The following C2CD3 variants were observed in gnomAD, a reference collection of about 807,000 sequenced individuals.
C2CD3 encodes C2 domain containing 3 centriole elongation regulator, also known as C2 domain-containing protein 3.
In C2CD3, 148 loss-of-function variants were observed where a neutral mutation model predicts 234.0. The observed-to-expected ratio is 0.63, with a 90% CI of 0.55 to 0.72. The LOEUF is 0.72. C2CD3 is among the 30% of genes least tolerant of loss of function. The pLI is 0.00. For missense variants in C2CD3, 2,577 were observed against 2,811.5 expected, an observed-to-expected ratio of 0.92 and a Z score of 1.89; for synonymous variants, 1,000 against 1,035.4, an observed-to-expected ratio of 0.97 and a Z score of 0.66.
intron 32 of C2CD3, among the ~76,000 whole-genome samples, chr11:74,020,544 C>T (rs1335533768): frequency 6.6e-6 from 1 of 152,150 alleles, no homozygotes; most frequent in Non-Finnish European, 1.5e-5. Flanking sequence ...AGTGCGTTTC[C>T]AAGAACTGCG....
Position 74,078,388 on chromosome 11 carries a change from G to A in C2CD3, c.4330C>T (p.His1444Tyr). The stretch of plus-strand genomic sequence containing the variant: ...TTGAGAGGGGTCCAAAAGGCTTCAT[G>A]ATCATAGAACTTGTAGCGAAGGTAG... ...YCYLRYKFYD[H>Y]EAFWTPLKKP... The change falls in exon 23 of 33, where the codon CAT (histidine) becomes TAT (tyrosine). Residue 1444 changes from histidine (H) to tyrosine (Y), a missense_variant. By Grantham distance (83) the His-to-Tyr change is moderately conservative. Transcript: ENST00000334126. 6.2e-7 allele frequency: 1 copy of A among 1,614,164 alleles called. No individual in the cohort carries two copies. Among genetic ancestry groups the A allele is most frequent in the Non-Finnish European group, 8.5e-7 (1 of 1,180,034 alleles).
At chr11:74,141,279 A>G (rs566842228) in intron 3 of C2CD3, among the ~76,000 whole-genome samples, 1 of 152,376 alleles carries the variant, frequency 6.6e-6, no homozygotes, top group Admixed American at 6.5e-5. Flanking sequence ...AGTCCTTCAA[A>G]TCTATTCATC....
intron 8 of C2CD3, among the ~76,000 whole-genome samples, chr11:74,119,635 C>CTTT (rs527594045): frequency 1.5e-5 from 2 of 137,624 alleles, no homozygotes; most frequent in African/African-American, 5.3e-5. Flanking sequence ...AGCAATACAA[C>CTTT]TTTTTTTTTT....
In C2CD3 at chr11:74,114,508, C is replaced by G. The variant is rs1007224674; in HGVS notation, c.1606G>C (p.Gly536Arg). 10 of 1,613,562 alleles carry G rather than the reference C, an allele frequency of 6.2e-6. No homozygotes were observed. The African/African-American group carries it at 1.2e-4, about 19-fold the overall frequency. ...TLSVDRLALLGRTHSVRIIIE... is the reference protein window; with the variant it reads ...TLSVDRLALLRRTHSVRIIIE... Reference sequence around the variant, plus strand: ...ATGATTCTGACTGAATGTGTTCTACCCAAAAGGGCCAGTCTATCCACACTT... The same window carrying G: ...ATGATTCTGACTGAATGTGTTCTACGCAAAAGGGCCAGTCTATCCACACTT... The change falls in exon 10 of 33, where the codon GGT (glycine) becomes CGT (arginine). Residue 536 changes from glycine to arginine, a missense_variant. Gly to Arg is a moderately radical substitution (Grantham distance 125). Transcript: ENST00000334126.
At chr11:74,097,206 A>T (rs944469944) in intron 16 of C2CD3, among the ~76,000 whole-genome samples, 1 of 152,204 alleles carries the variant, frequency 6.6e-6, no homozygotes. Flanking sequence ...CATAATATAC[A>T]AATAAACCAT....
chr11:74,138,956 T>C lies in C2CD3; in HGVS notation c.719A>G (p.His240Arg). The change falls in exon 5 of 33, where the codon CAT becomes CGT. Residue 240 changes from histidine (H) to arginine (R), a missense_variant. Physicochemically the swap from His to Arg is conservative, Grantham distance 29 (BLOSUM62 0). Transcript: ENST00000334126. ...ATCAGGGTTCTCTGCAAAGCATACA[T>C]GGTCTTTTCCCCTGTTTTTTTAAAA... ...SRSTTPRGKD[H>R]VCFAENPDTI... 1 of 1,610,302 alleles carries C rather than the reference T, an allele frequency of 6.2e-7. No individual in the cohort carries two copies. Among genetic ancestry groups the C allele is most frequent in the Non-Finnish European group, 8.5e-7 (1 of 1,177,240 alleles).
At chr11:74,144,932 G>A (rs1470505941) in intron 3 of C2CD3, among the ~76,000 whole-genome samples, 1 of 152,124 alleles carries the variant, frequency 6.6e-6, no homozygotes, top group African/African-American at 2.4e-5. Context: ...ATGTCTTTGT[G>A]ATAGAACAAT....
At position 74,100,659 on chromosome 11, in the gene C2CD3, CAGAG is replaced by C; in HGVS notation, c.2594_2597del (p.Ser865CysfsTer13). The C allele has an allele frequency of 6.2e-7, 1 of 1,612,370 alleles. No homozygotes were observed. Among genetic ancestry groups the C allele is most frequent in the Non-Finnish European group, 8.5e-7 (1 of 1,179,486 alleles). ...TAAGCCTTTCCAGGTATTTGGAAGA[CAGAG>C]AGACAGGAATCACCTAAGAGAGAGG... On this transcript the variant is annotated frameshift_variant, in exon 15 of 33. Coordinates refer to ENST00000334126, the MANE Select transcript of C2CD3 (RefSeq NM_001286577.2). LOFTEE classifies it high-confidence loss of function.
At chr11:74,013,566 G>A in intron 32 of C2CD3, 41 bp from the exon 33 acceptor site, 1 of 1,214,862 alleles carries the variant, frequency 8.2e-7, no homozygotes, top group Non-Finnish European at 1.1e-6. Context: ...CTGAGGATAT[G>A]GCACCACCAA....
At position 74,095,402 on chromosome 11, in the gene C2CD3, C is replaced by G; in HGVS notation, c.2986G>C (p.Asp996His). The G allele has an allele frequency of 6.2e-7, 1 of 1,609,350 alleles. No individual in the cohort carries two copies. The highest frequency in any genetic ancestry group is 8.5e-7 in the Non-Finnish European group (1 of 1,177,928). ...TGCTCCATCAGTCCATTTCCTCGGT[C>G]CTCTGCCTATTAAATGAAACAGAAA... Reference protein sequence around the residue: ...PTAASVAMAEDRGNGLMEHCF... With the variant: ...PTAASVAMAEHRGNGLMEHCF... Residue 996 changes from aspartate to histidine, a missense_variant, in exon 17 of 33, where the codon GAC becomes CAC. By Grantham distance (81) the Asp-to-His change is moderately conservative (BLOSUM62 -1). Coordinates refer to ENST00000334126, the MANE Select transcript of C2CD3 (RefSeq NM_001286577.2).
intron 17 of C2CD3, 36 bp from the exon 18 acceptor site, chr11:74,094,035 A>G (rs1956008213): frequency 6.5e-7 from 1 of 1,534,812 alleles, no homozygotes; most frequent in South Asian, 1.1e-5. Flanking sequence ...ATAATCCAAC[A>G]TATGACTTAG....
intron 3 of C2CD3, among the ~76,000 whole-genome samples, chr11:74,148,966 C>T (rs907107932): frequency 1.3e-5 from 2 of 151,868 alleles, no homozygotes; most frequent in Non-Finnish European, 2.9e-5. Context: ...TCAAACAGTT[C>T]GATAATTTTG....
intron 3 of C2CD3, among the ~76,000 whole-genome samples, chr11:74,147,332 A>G (rs571644437): frequency 6.6e-6 from 1 of 152,206 alleles, no homozygotes; most frequent in East Asian, 1.9e-4. Flanking sequence ...TGGGAGGATC[A>G]CTTGAGCCCA....
At position 74,130,838 on chromosome 11, in the gene C2CD3, A is replaced by G. The variant is rs151177646; in HGVS notation, c.1217+2006T>C. ...TGTTCTGGGTCCCCTGCAATTTCCT[A>G]TGAATTTGAGAAACAGCTTGTCAAT... On this transcript the variant is annotated intron_variant, in intron 7 of 32. Transcript: ENST00000334126. Among the ~76,000 whole-genome samples the G allele has an allele frequency of 2.5e-3, 384 of 152,158 alleles. 1 individual carries two copies. Among genetic ancestry groups the G allele is most frequent in the African/African-American group, 8.9e-3 (369 of 41,500 alleles).
intron 24 of C2CD3, among the ~76,000 whole-genome samples, chr11:74,062,774 C>G (rs948553771): frequency 6.7e-6 from 1 of 149,714 alleles, no homozygotes; most frequent in Non-Finnish European, 1.5e-5. Flanking sequence ...TAACTAAGAT[C>G]AGAGCAGAAT....
Position 74,154,137 on chromosome 11 carries a change from T to C in C2CD3, c.483+7262A>G, listed in dbSNP as rs558065072. On this transcript the variant is annotated intron_variant, in intron 3 of 32. Coordinates refer to ENST00000334126, the MANE Select transcript of C2CD3 (RefSeq NM_001286577.2). ...TATTAGGGGAAAACAGTGGAGAAAA[T>C]CTTTGCAAACTTGGATTAGGGGAAG... Among the ~76,000 whole-genome samples the C allele has an allele frequency of 2.0e-5, 3 of 151,812 alleles. No homozygotes were observed. The South Asian group carries it at 6.2e-4, about 32-fold the overall frequency.
chr11:74,078,671 T>C lies in C2CD3; in HGVS notation c.4047A>G (p.Leu1349=), dbSNP rs1162519682. Residue 1349 remains leucine (L), a synonymous_variant, in exon 23 of 33, where the codon CTA becomes CTG. Coordinates refer to ENST00000334126, the MANE Select transcript of C2CD3 (RefSeq NM_001286577.2). ...TCTGCATGAGCTCCAGGCCATGAGG[T>C]AGGCCCCCGTCTTCTGGTAAAATGA... ...YPIILPEDGG[L]PHGLELMQKI... 2.5e-6 allele frequency: 4 copies of C among 1,613,074 alleles called. No homozygotes were observed. Among genetic ancestry groups the C allele is most frequent in the Admixed American group, 3.3e-5 (2 of 59,868 alleles).
chr11:74,013,549 G>A (rs557289860), intron 32 of C2CD3, 24 bp from the exon 33 acceptor site: 3 of 1,314,968 alleles, frequency 2.3e-6, no homozygotes, highest in South Asian at 2.1e-5. Flanking sequence ...AGTCAGCTAG[G>A]TTACCACTGA....
intron 29 of C2CD3, among the ~76,000 whole-genome samples, chr11:74,039,088 G>A (rs1298872131): frequency 3.3e-5 from 5 of 152,128 alleles, no homozygotes; most frequent in Admixed American, 1.3e-4. Flanking sequence ...AAATCACTTA[G>A]GTGTCTATAT....
Sources: allele counts gnomAD v4.1 joint callset (sites outside exome capture counted in the v4.1 genomes callset), GRCh38; gene constraint gnomAD v4.1.1; transcripts MANE v1.5; gene names NCBI Gene and HGNC (gene_info 2026-07-23, HGNC 2026-07-21).